CCSER1: variants seen among roughly 807,000 people sequenced by gnomAD.
CCSER1 encodes coiled-coil serine rich protein 1, also known as serine-rich coiled-coil domain-containing protein 1.
Under a neutral mutation model 82.0 loss-of-function variants are expected in CCSER1, and 41 were observed. That is an observed-to-expected ratio of 0.50 (90% CI 0.39 to 0.65). The LOEUF is 0.65. Ranked by LOEUF, CCSER1 falls within the 30% of genes least tolerant of loss-of-function variation. The pLI is 0.00. For missense variants in CCSER1, 1,119 were observed against 1,064.2 expected, an observed-to-expected ratio of 1.05 and a Z score of -0.72; for synonymous variants, 414 against 383.9, an observed-to-expected ratio of 1.08 and a Z score of -0.92.
chr4:91,494,563 C>A (rs1447590617), intron 10 of CCSER1, among the ~76,000 whole-genome samples: 1 of 151,666 alleles, frequency 6.6e-6, no homozygotes, highest in Non-Finnish European at 1.5e-5. Flanking sequence ...TAGAAATATG[C>A]ATACAGTTTA....
chr4:90,754,816 C>A (rs892844582), intron 7 of CCSER1, among the ~76,000 whole-genome samples: 1 of 152,026 alleles, frequency 6.6e-6, no homozygotes, highest in Non-Finnish European at 1.5e-5. Flanking sequence ...GTATCTTAAA[C>A]CCTATTGAAT....
At chr4:91,222,191 G>C (rs1476899630) in intron 10 of CCSER1, among the ~76,000 whole-genome samples, 1 of 151,008 alleles carries the variant, frequency 6.6e-6, no homozygotes, top group African/African-American at 2.4e-5. Context: ...CACGGATTAT[G>C]CTCTGCAAGA....
At chr4:90,323,400 C>G (rs1737527095) in intron 3 of CCSER1, among the ~76,000 whole-genome samples, 1 of 152,198 alleles carries the variant, frequency 6.6e-6, no homozygotes, top group South Asian at 2.1e-4. Context: ...GGTGGTGGAG[C>G]TAGCTGGAGC....
At chr4:90,562,074 C>T (rs1363647991) in intron 5 of CCSER1, among the ~76,000 whole-genome samples, 1 of 151,296 alleles carries the variant, frequency 6.6e-6, no homozygotes, top group Non-Finnish European at 1.5e-5. Context: ...CCTGTAATAC[C>T]AGCTACTCAG....
intron 10 of CCSER1, among the ~76,000 whole-genome samples, chr4:91,172,665 G>A (rs569870353): frequency 1.4e-4 from 22 of 152,212 alleles, no homozygotes; most frequent in East Asian, 3.9e-4. Context: ...CACATAACAC[G>A]CGAGGCAGAA....
At chr4:91,380,573 G>A (rs1368403065) in intron 10 of CCSER1, among the ~76,000 whole-genome samples, 1 of 151,992 alleles carries the variant, frequency 6.6e-6, no homozygotes, top group Non-Finnish European at 1.5e-5. Context: ...TTGCAACCCT[G>A]CCTTTTTTTG....
At chr4:90,754,489 T>G (rs534522046) in intron 7 of CCSER1, among the ~76,000 whole-genome samples, 1 of 152,160 alleles carries the variant, frequency 6.6e-6, no homozygotes, top group Non-Finnish European at 1.5e-5. Flanking sequence ...AATGGATTTA[T>G]TCTGATCTAG....
chr4:90,629,024 CTATTA>C (rs1191932574), intron 6 of CCSER1, among the ~76,000 whole-genome samples: 2 of 151,918 alleles, frequency 1.3e-5, no homozygotes, highest in South Asian at 2.1e-4. Context: ...GTATTACATC[CTATTA>C]TATTTAAGTA....
chr4:91,068,381 T>C (rs561657384), intron 9 of CCSER1, among the ~76,000 whole-genome samples: 9 of 152,334 alleles, frequency 5.9e-5, no homozygotes, highest in Non-Finnish European at 1.3e-4. Context: ...TAAGCCACGG[T>C]ACATTTTCTG....
chr4:91,399,072 TTAA>T, intron 10 of CCSER1, among the ~76,000 whole-genome samples: 1 of 151,986 alleles, frequency 6.6e-6, no homozygotes, highest in Middle Eastern at 3.4e-3. Flanking sequence ...CCACTTAATT[TTAA>T]AAGTGGGCAG....
intron 10 of CCSER1, among the ~76,000 whole-genome samples, chr4:91,253,793 A>G (rs1740454713): frequency 2.6e-5 from 4 of 152,186 alleles, no homozygotes. Context: ...GGAAACCTCC[A>G]GTCATGGCAG....
intron 8 of CCSER1, among the ~76,000 whole-genome samples, chr4:90,857,867 A>G (rs923483763): frequency 1.3e-4 from 20 of 152,050 alleles, no homozygotes; most frequent in African/African-American, 4.6e-4. Flanking sequence ...ATTTTTGCTA[A>G]ATGAGTAGAT....
chr4:90,479,450 A>T (rs1209329115), intron 5 of CCSER1, among the ~76,000 whole-genome samples: 1 of 152,182 alleles, frequency 6.6e-6, no homozygotes, highest in African/African-American at 2.4e-5. Context: ...ACATATATAC[A>T]TGTGCCATGT....
At chr4:90,412,820 G>T (rs1281305695) in intron 4 of CCSER1, among the ~76,000 whole-genome samples, 1 of 152,164 alleles carries the variant, frequency 6.6e-6, no homozygotes, top group East Asian at 1.9e-4. Context: ...GGGAAAAGTT[G>T]AAAGCATTCT....
At chr4:91,367,797 A>G (rs1749743253) in intron 10 of CCSER1, among the ~76,000 whole-genome samples, 3 of 152,024 alleles carry the variant, frequency 2.0e-5, no homozygotes, top group Admixed American at 2.0e-4. Flanking sequence ...CAGCCATCCC[A>G]TCTGTTTTTT....
At chr4:90,576,427 A>G (rs920091545) in intron 5 of CCSER1, among the ~76,000 whole-genome samples, 1 of 152,170 alleles carries the variant, frequency 6.6e-6, no homozygotes, top group African/African-American at 2.4e-5. Context: ...TGTTCATTCT[A>G]TGGGTTTTGA....
At chr4:90,193,445 T>G (rs2153398544) in intron 1 of CCSER1, among the ~76,000 whole-genome samples, 1 of 152,170 alleles carries the variant, frequency 6.6e-6, no homozygotes, top group Middle Eastern at 3.4e-3. Context: ...TACAAAAGAG[T>G]TAGGGTATCT....
At chr4:91,353,192 C>T (rs940736313) in intron 10 of CCSER1, among the ~76,000 whole-genome samples, 16 of 152,148 alleles carry the variant, frequency 1.1e-4, no homozygotes, top group Admixed American at 5.2e-4. Flanking sequence ...CAGCCAGGAG[C>T]GTCGGCAAGC....
intron 10 of CCSER1, among the ~76,000 whole-genome samples, chr4:91,369,870 C>T (rs112770579): frequency 0.066 from 9,819 of 149,588 alleles, 1,082 homozygotes; most frequent in African/African-American, 0.23. Context: ...TTAGGAGAGA[C>T]GGGGTTTCAC....
Sources: allele counts gnomAD v4.1 joint callset (sites outside exome capture counted in the v4.1 genomes callset), GRCh38; gene constraint gnomAD v4.1.1; transcripts MANE v1.5; gene names NCBI Gene and HGNC (gene_info 2026-07-23, HGNC 2026-07-21).